The following ZDHHC13 variants were observed in gnomAD, a reference collection of about 807,000 sequenced individuals.
ZDHHC13 encodes zDHHC palmitoyltransferase 13, also known as palmitoyltransferase ZDHHC13.
A neutral mutation model predicts 86.0 loss-of-function variants in ZDHHC13; 85 were observed. That is an observed-to-expected ratio of 0.99 (90% CI 0.83 to 1.18). The LOEUF (loss-of-function observed/expected upper bound fraction) is 1.18. ZDHHC13 is among the 50% of genes most tolerant of loss of function. The pLI is 0.00. For missense variants in ZDHHC13, 711 were observed against 730.2 expected (o/e 0.97, Z 0.30); for synonymous variants, 263 against 246.4 (o/e 1.07, Z -0.63).
At chr11:19,129,165 T>G (rs911834750) in intron 1 of ZDHHC13, among the ~76,000 whole-genome samples, 19 of 152,246 alleles carry the variant, frequency 1.2e-4, no homozygotes, top group African/African-American at 4.6e-4. Context: ...TAAAGATTCC[T>G]TAGGATTTTC....
intron 2 of ZDHHC13, 118 bp downstream of exon 2, chr11:19,143,241 C>T: frequency 1.9e-6 from 2 of 1,059,082 alleles, no homozygotes; most frequent in South Asian, 1.8e-5. Flanking sequence ...GTAGTTAACA[C>T]CAGCACCAGT....
At chr11:19,121,839 C>A (rs980314131) in intron 1 of ZDHHC13, among the ~76,000 whole-genome samples, 1 of 152,188 alleles carries the variant, frequency 6.6e-6, no homozygotes, top group East Asian at 1.9e-4. Flanking sequence ...ACTTTACCAA[C>A]GTAGAAATGA....
chr11:19,169,042 A>G (rs758360176), intron 14 of ZDHHC13: 8 of 985,490 alleles, frequency 8.1e-6, no homozygotes, highest in Non-Finnish European at 9.6e-6. Context: ...TACATTGCAT[A>G]AGATAATGTA....
At chr11:19,136,910 C>A (rs1466702481) in intron 1 of ZDHHC13, among the ~76,000 whole-genome samples, 1 of 151,358 alleles carries the variant, frequency 6.6e-6, no homozygotes, top group African/African-American at 2.4e-5. Flanking sequence ...AAAAGAGCTC[C>A]TGAAAGCGCT....
intron 1 of ZDHHC13, among the ~76,000 whole-genome samples, chr11:19,127,774 G>A (rs1038142023): frequency 2.0e-5 from 3 of 152,018 alleles, no homozygotes; most frequent in African/African-American, 7.2e-5. Flanking sequence ...GTGCAGCCTT[G>A]TTTCTGGGCT....
At chr11:19,146,037 CTA>C (rs1331424815) in intron 2 of ZDHHC13, 142 bp from the exon 3 acceptor site, 1 of 836,574 alleles carries the variant, frequency 1.2e-6, no homozygotes, top group African/African-American at 1.7e-5. Context: ...TGTGTCCTCT[CTA>C]TGCATGTCTT....
At chr11:19,163,727 A>G (rs1849976718) in intron 11 of ZDHHC13, among the ~76,000 whole-genome samples, 1 of 152,100 alleles carries the variant, frequency 6.6e-6, no homozygotes. Context: ...TTTAGCTTAC[A>G]TTTCCCCACT....
intron 10 of ZDHHC13, among the ~76,000 whole-genome samples, chr11:19,161,116 A>G (rs2133453395): frequency 6.6e-6 from 1 of 152,060 alleles, no homozygotes; most frequent in South Asian, 2.1e-4. Flanking sequence ...TTGTGGATGA[A>G]CTGAGATGCC....
At chr11:19,117,163 G>C, upstream of ZDHHC13, 2 of 1,444,106 alleles carry the variant, frequency 1.4e-6, no homozygotes, top group South Asian at 2.4e-5. This position sits in a 1 kb window ranked among gnomAD's most constrained non-coding sequence, Gnocchi z 4.2. Context: ...GCAGGAAGTG[G>C]GAGAAGAGGC....
intron 4 of ZDHHC13, chr11:19,148,749 GA>G (rs1849533903): frequency 6.6e-6 from 1 of 152,606 alleles, no homozygotes; most frequent in Non-Finnish European, 1.5e-5. Flanking sequence ...GGCAGATCAT[GA>G]GGTCAGGAGA....
chr11:19,136,641 A>C (rs59873607), intron 1 of ZDHHC13, among the ~76,000 whole-genome samples: 2,536 of 152,164 alleles, frequency 0.017, 60 homozygotes, highest in African/African-American at 0.058. Context: ...GTTGAAATGA[A>C]GGAAAAAATG....
At chr11:19,141,648 G>C (rs774233409) in intron 1 of ZDHHC13, among the ~76,000 whole-genome samples, 1 of 148,952 alleles carries the variant, frequency 6.7e-6, no homozygotes, top group Non-Finnish European at 1.5e-5. Flanking sequence ...TCCACAGAAC[G>C]GATAATTGAT....
In ZDHHC13 at chr11:19,176,228, TACTC is replaced by T. The variant is rs1850361168; in HGVS notation, c.*272_*275del. Reference sequence around the variant, plus strand: ...TGCAAGTTACTTTTTTTGGAAATAATACTCACTGATTATGGATAAAATGGAATAT... The same window carrying T: ...TGCAAGTTACTTTTTTTGGAAATAATACTGATTATGGATAAAATGGAATAT... On this transcript the variant is annotated 3_prime_UTR_variant, in exon 17 of 17. Coordinates refer to ENST00000446113, the MANE Select transcript of ZDHHC13 (RefSeq NM_019028.3). 1.1e-5 allele frequency: 3 copies of T among 278,832 alleles called. No individual in the cohort carries two copies. The highest frequency in any genetic ancestry group is 4.4e-5 in the African/African-American group (2 of 45,034). The allele number at this position is 278,832 out of a possible 1,614,324, so 17.3% of individuals were successfully genotyped here. A position where few individuals can be genotyped will look rare whatever the true frequency, so the allele number is the denominator to read the frequency against.
In ZDHHC13 at chr11:19,133,213, T is replaced by A. The variant is rs77166566; in HGVS notation, c.28-9765T>A. On this transcript the variant is annotated intron_variant, in intron 1 of 16. Coordinates refer to ENST00000446113, the MANE Select transcript of ZDHHC13 (RefSeq NM_019028.3). Reference sequence around the variant, plus strand: ...TTATGGAGTCTGATGATACCAAGTATTAGTAAGGATTAGAGCAACAGAAGC... The same window carrying A: ...TTATGGAGTCTGATGATACCAAGTAATAGTAAGGATTAGAGCAACAGAAGC... 5.2e-3 allele frequency among the ~76,000 whole-genome samples: 788 copies of A among 152,200 alleles called. 7 individuals are homozygous for A. Among genetic ancestry groups the A allele is most frequent in the African/African-American group, 0.018 (767 of 41,530 alleles).
chr11:19,160,882 C>T (rs764027501), intron 10 of ZDHHC13, among the ~76,000 whole-genome samples: 2 of 151,678 alleles, frequency 1.3e-5, no homozygotes, highest in Non-Finnish European at 2.9e-5. Context: ...TTAAATGGGC[C>T]GTGATTAAAA....
intron 1 of ZDHHC13, among the ~76,000 whole-genome samples, chr11:19,119,361 T>G (rs1848713166): frequency 6.6e-6 from 1 of 152,174 alleles, no homozygotes; most frequent in Non-Finnish European, 1.5e-5. Flanking sequence ...CGCCTCGGCC[T>G]CCCAAAATGC....
At position 19,166,498 on chromosome 11, in the gene ZDHHC13, A is replaced by G. The variant is rs1565041987; in HGVS notation, c.1474+113A>G. 4 of 779,808 alleles carry G rather than the reference A, an allele frequency of 5.1e-6. No homozygotes were observed. The East Asian group carries it at 1.2e-4, about 23-fold the overall frequency. 48.3% of individuals were successfully genotyped at this position (779,808 alleles called of 1,614,324 possible). A position where few individuals can be genotyped will look rare whatever the true frequency, so the allele number is the denominator to read the frequency against. On this transcript the variant is annotated intron_variant, in intron 14 of 16. Transcript: ENST00000446113. ...TGGGTGACTATAAACCATACTCCTA[A>G]TAAAAACAAAGCAAATGCCTCTAAG...
At chr11:19,157,455 C>T (rs1460952662) in intron 9 of ZDHHC13, among the ~76,000 whole-genome samples, 5 of 152,182 alleles carry the variant, frequency 3.3e-5, no homozygotes, top group Admixed American at 3.3e-4. Context: ...AGGAATCTTA[C>T]TACTGTATCA....
intron 9 of ZDHHC13, among the ~76,000 whole-genome samples, chr11:19,157,532 T>C (rs563798697): frequency 2.0e-5 from 3 of 152,346 alleles, no homozygotes; most frequent in African/African-American, 7.2e-5. Context: ...CTCAAATTTC[T>C]GAAAAATAGC....
Sources: allele counts gnomAD v4.1 joint callset (sites outside exome capture counted in the v4.1 genomes callset), GRCh38; gene constraint gnomAD v4.1.1; non-coding constraint Gnocchi (gnomAD v3.1); transcripts MANE v1.5; gene names NCBI Gene and HGNC (gene_info 2026-07-23, HGNC 2026-07-21).